The following ANAPC4 variants were observed in gnomAD, a reference collection of about 807,000 sequenced individuals.
ANAPC4 encodes the protein anaphase promoting complex subunit 4, also known as anaphase-promoting complex subunit 4.
ANAPC4 carries 63 observed loss-of-function variants against 119.8 expected under a neutral mutation model. That is an observed-to-expected ratio of 0.53 (90% CI 0.43 to 0.65). The LOEUF (loss-of-function observed/expected upper bound fraction) is 0.65. Ranked by LOEUF, ANAPC4 falls within the 30% of genes least tolerant of loss-of-function variation. The probability of loss-of-function intolerance (pLI) is 0.00; values close to 1 mark genes in which losing one functional copy is unlikely to be tolerated. For missense variants in ANAPC4, 716 were observed against 945.1 expected, an observed-to-expected ratio of 0.76 and a Z score of 3.18; for synonymous variants, 283 against 318.6, an observed-to-expected ratio of 0.89 and a Z score of 1.19.
intron 26 of ANAPC4, 29 bp downstream of exon 26, chr4:25,415,569 T>A: frequency 6.4e-7 from 1 of 1,564,708 alleles, no homozygotes; most frequent in Non-Finnish European, 8.8e-7. Context: ...TTGGATGAAA[T>A]GTAGATACAT....
chr4:25,403,835 C>T (rs966420134), intron 17 of ANAPC4, among the ~76,000 whole-genome samples: 1 of 152,214 alleles, frequency 6.6e-6, no homozygotes, highest in Non-Finnish European at 1.5e-5. Flanking sequence ...CACTTACAGC[C>T]TGTCTTTGTG....
At chr4:25,384,392 C>A (rs1372719636) in intron 4 of ANAPC4, among the ~76,000 whole-genome samples, 1 of 152,236 alleles carries the variant, frequency 6.6e-6, no homozygotes, top group African/African-American at 2.4e-5. Context: ...ATTTTGACTT[C>A]TTCCCATGAA....
rs1721864373 is a variant in ANAPC4 at position 25,383,520 on chromosome 4, A to T, written c.368+127A>T. ...TTTAAATTTTGGTTTCAGTTTATCA[A>T]GATGAAATTTTTTAATGCTTTCTTA... is the stretch of plus-strand genomic sequence containing the variant. On this transcript the variant is annotated intron_variant, in intron 4 of 28. Coordinates refer to ENST00000315368, the MANE Select transcript of ANAPC4 (RefSeq NM_013367.3). 7 of 895,252 alleles carry T rather than the reference A, an allele frequency of 7.8e-6. No homozygotes were observed. The East Asian group carries it at 2.1e-4, about 27-fold the overall frequency. The allele number at this position is 895,252 out of a possible 1,614,324, so 55.5% of individuals were successfully genotyped here.
At chr4:25,378,994 CAT>C (rs762038437) in intron 2 of ANAPC4, among the ~76,000 whole-genome samples, 1 of 152,096 alleles carries the variant, frequency 6.6e-6, no homozygotes. Flanking sequence ...GAAGTGAAGG[CAT>C]GTGTGGGGAG....
rs1209851254 is a variant in ANAPC4, at chr4:25,394,333, G to A, written c.900G>A (p.Val300=). 2 of 1,586,356 alleles carry A rather than the reference G, an allele frequency of 1.3e-6. No individual in the cohort carries two copies. The highest frequency in any genetic ancestry group is 1.7e-6 in the Non-Finnish European group (2 of 1,173,334). Residue 300 remains valine, a synonymous_variant, in exon 12 of 29, where the codon GTG becomes GTA. Transcript: ENST00000315368. ...FVQEKNTTTS[V]QDEFMHLLLW... Reference sequence around the variant, plus strand: ...AGGAAAAGAACACAACCACATCAGTGCAAGATGAGTTCATGCACTTGCTAT... The same window carrying A: ...AGGAAAAGAACACAACCACATCAGTACAAGATGAGTTCATGCACTTGCTAT...
chr4:25,393,878 C>T lies in ANAPC4; in HGVS notation c.863C>T (p.Thr288Ile). Residue 288 changes from threonine to isoleucine, a missense_variant, in exon 11 of 29, where the codon ACC becomes ATC. Thr to Ile is a moderately conservative substitution (Grantham distance 89). This residue lies in a region of ANAPC4 where 504 missense variants were observed against 615.8 expected (regional missense o/e 0.82). Transcript: ENST00000315368. ...CTAATGCAGATGGATTCTCGTCTCA[C>T]CAAGTTTGTGCAGGTAAAGCAGCTG... Reference protein sequence around the residue: ...EILMQMDSRLTKFVQEKNTTT... With the variant: ...EILMQMDSRLIKFVQEKNTTT... The T allele has an allele frequency of 1.2e-6, 2 of 1,609,282 alleles. No individual in the cohort carries two copies. Among genetic ancestry groups the T allele is most frequent in the Non-Finnish European group, 8.5e-7 (1 of 1,177,546 alleles).
At chr4:25,406,494 T>C (rs567584142) in intron 18 of ANAPC4, among the ~76,000 whole-genome samples, 19 of 152,332 alleles carry the variant, frequency 1.2e-4, no homozygotes, top group African/African-American at 4.1e-4. Context: ...ACACATCTTA[T>C]CTGGGGTCCA....
intron 11 of ANAPC4, 98 bp downstream of exon 11, chr4:25,393,989 G>T: frequency 1.0e-6 from 1 of 996,696 alleles, no homozygotes; most frequent in Non-Finnish European, 1.5e-6. Context: ...ATTCATAAAA[G>T]GCTAAGATCA....
At chr4:25,414,081 G>A in intron 22 of ANAPC4, 1 of 466,624 alleles carries the variant, frequency 2.1e-6, no homozygotes, top group Non-Finnish European at 3.7e-6. Flanking sequence ...ATGAATGGTT[G>A]TTATGAGACC....
intron 3 of ANAPC4, 68 bp from the exon 4 acceptor site, chr4:25,383,193 A>G: frequency 2.1e-6 from 3 of 1,400,570 alleles, no homozygotes; most frequent in East Asian, 2.5e-5. Flanking sequence ...CTGGGCAATA[A>G]GGGAAATACC....
At chr4:25,387,390 C>T (rs760087735) in intron 4 of ANAPC4, among the ~76,000 whole-genome samples, 7 of 152,008 alleles carry the variant, frequency 4.6e-5, no homozygotes, top group Non-Finnish European at 7.4e-5. Context: ...CTAAGGGAAG[C>T]CTGAAAGAAT....
chr4:25,399,324 CG>C (rs1722825323), intron 16 of ANAPC4, among the ~76,000 whole-genome samples: 1 of 152,084 alleles, frequency 6.6e-6, no homozygotes, highest in African/African-American at 2.4e-5. Flanking sequence ...AGATGCAGTT[CG>C]GGATCACGTA....
chr4:25,416,293 T>G (rs1237238583), intron 26 of ANAPC4, 132 bp from the exon 27 acceptor site: 12 of 486,876 alleles, frequency 2.5e-5, no homozygotes, highest in Non-Finnish European at 2.4e-5. Flanking sequence ...AATGATATAT[T>G]TTAAATGTTA....
intron 16 of ANAPC4, among the ~76,000 whole-genome samples, chr4:25,398,342 T>C (rs1722769003): frequency 6.6e-6 from 1 of 152,090 alleles, no homozygotes; most frequent in Non-Finnish European, 1.5e-5. Context: ...CAACTTTATA[T>C]AGGTGGTCAG....
intron 3 of ANAPC4, among the ~76,000 whole-genome samples, chr4:25,381,207 A>G (rs1401903247): frequency 6.6e-6 from 1 of 152,208 alleles, no homozygotes; most frequent in Non-Finnish European, 1.5e-5. Flanking sequence ...TTTTCTGTAG[A>G]TAAATATAAA....
In ANAPC4 at chr4:25,406,894, T is replaced by C. The variant is rs3214034; in HGVS notation, c.1374+9T>C. On this transcript the variant is annotated intron_variant, in intron 19 of 28. Transcript: ENST00000315368. ...CTGAACATTTCAATGAGGTAAGAAGTTGATATTTCTGTAATGCAGTTTAAA... is the reference window on the plus strand; with the variant it reads ...CTGAACATTTCAATGAGGTAAGAAGCTGATATTTCTGTAATGCAGTTTAAA... 5.7e-6 allele frequency: 9 copies of C among 1,577,280 alleles called. No individual in the cohort carries two copies. Among genetic ancestry groups the C allele is most frequent in the Non-Finnish European group, 7.8e-6 (9 of 1,159,276 alleles).
chr4:25,381,304 C>G (rs1454655973), intron 3 of ANAPC4, among the ~76,000 whole-genome samples: 1 of 152,056 alleles, frequency 6.6e-6, no homozygotes, highest in East Asian at 1.9e-4. Context: ...TCTTTTCCCC[C>G]CCAGACAGTG....
At chr4:25,395,657 C>G (rs1401405642) in intron 14 of ANAPC4, among the ~76,000 whole-genome samples, 1 of 152,132 alleles carries the variant, frequency 6.6e-6, no homozygotes, top group African/African-American at 2.4e-5. Flanking sequence ...ACCGTGTTGG[C>G]CAGACTGGCC....
At chr4:25,407,514 A>G (rs1723319142) in intron 20 of ANAPC4, among the ~76,000 whole-genome samples, 1 of 152,038 alleles carries the variant, frequency 6.6e-6, no homozygotes, top group Non-Finnish European at 1.5e-5. Flanking sequence ...AGGCAGGAAA[A>G]CTACTTGAAC....
Sources: gnomAD v4.1 joint callset for allele counts (sites outside exome capture counted in the v4.1 genomes callset) on GRCh38, gnomAD v4.1.1 for gene constraint, gnomAD v4.1.1 regional missense constraint, MANE v1.5 for transcripts, NCBI Gene and HGNC (gene_info 2026-07-23, HGNC 2026-07-21) for gene names.